Variants in TANC2 observed in about 807,000 individuals in gnomAD.
TANC2 encodes protein TANC2.
TANC2 carries 26 observed loss-of-function variants against 210.5 expected under a neutral mutation model. The ratio of observed to expected loss-of-function variants is 0.12; its 90% CI spans 0.09 to 0.17. TANC2 has a LOEUF of 0.17. Ranked by LOEUF, TANC2 falls within the 10% of genes least tolerant of loss-of-function variation. The pLI is 1.00. For missense variants in TANC2, 2,129 were observed against 2,608.9 expected, an observed-to-expected ratio of 0.82 and a Z score of 4.01; for synonymous variants, 931 against 967.1, an observed-to-expected ratio of 0.96 and a Z score of 0.69.
At chr17:63,193,125 A>G (rs1281140447) in intron 5 of TANC2, among the ~76,000 whole-genome samples, 2 of 152,180 alleles carry the variant, frequency 1.3e-5, no homozygotes, top group Non-Finnish European at 1.5e-5. Context: ...GAAGCTTTCA[A>G]TTGTTCTTGA....
chr17:63,149,197 G>A (rs1026786142), intron 4 of TANC2: 3 of 151,930 alleles, frequency 2.0e-5, no homozygotes, highest in Non-Finnish European at 4.4e-5. Flanking sequence ...TTTAGTAAGA[G>A]GTTTTATTTT....
intron 3 of TANC2, among the ~76,000 whole-genome samples, chr17:63,077,130 G>A (rs1051473262): frequency 1.3e-5 from 2 of 152,074 alleles, no homozygotes; most frequent in East Asian, 1.9e-4. Flanking sequence ...CAAACAGATC[G>A]TTCATGCTTC....
intron 6 of TANC2, among the ~76,000 whole-genome samples, chr17:63,196,514 A>G (rs200487244): frequency 6.6e-6 from 1 of 152,222 alleles, no homozygotes. Context: ...CGCATGTCAC[A>G]GTGATTTCTG....
chr17:62,998,572 A>G (rs2033226637), intron 1 of TANC2, among the ~76,000 whole-genome samples: 1 of 152,244 alleles, frequency 6.6e-6, no homozygotes, highest in African/African-American at 2.4e-5. Context: ...AAATTCTACA[A>G]GCAAGAACAG....
exon 11 of TANC2, chr17:63,318,967 C>T: frequency 1.2e-6 from 2 of 1,612,856 alleles, no homozygotes; most frequent in Non-Finnish European, 1.7e-6. Flanking sequence ...ATGTGGATGC[C>T]AACAGAGAGC....
At chr17:63,016,368 A>G (rs1327266630) in intron 2 of TANC2, among the ~76,000 whole-genome samples, 1 of 152,242 alleles carries the variant, frequency 6.6e-6, no homozygotes, top group Non-Finnish European at 1.5e-5. Context: ...TGAGATCAGC[A>G]CTTCGAGACC....
intron 4 of TANC2, among the ~76,000 whole-genome samples, chr17:63,137,613 A>G (rs548555357): frequency 1.3e-5 from 2 of 152,342 alleles, no homozygotes; most frequent in Non-Finnish European, 2.9e-5. Context: ...TGTTTTATCC[A>G]TGAGCGCTTT....
intron 9 of TANC2, among the ~76,000 whole-genome samples, chr17:63,271,868 C>T (rs1567871016): frequency 1.3e-5 from 2 of 151,936 alleles, no homozygotes; most frequent in Non-Finnish European, 2.9e-5. Flanking sequence ...TCAGAGACAT[C>T]GTTTGCAAAA....
In TANC2 at chr17:63,198,190, CTTCTTTTTTTT is replaced by C. The variant is rs929371285; in HGVS notation, c.583-2568_583-2558del. ...AGATTCCTATCATAATAAAACTTTTCTTCTTTTTTTTTTCTTTTTTTTTGAGACAGAGTCTC... is the reference window on the plus strand; with the variant it reads ...AGATTCCTATCATAATAAAACTTTTCTTCTTTTTTTTTGAGACAGAGTCTC... On this transcript the variant is annotated intron_variant, in intron 6 of 27. Transcript: ENST00000689528. Among the ~76,000 whole-genome samples the C allele has an allele frequency of 1.2e-3, 187 of 151,658 alleles. 1 individual carries two copies. The highest frequency in any genetic ancestry group is 4.0e-3 in the African/African-American group (164 of 41,412).
chr17:63,297,268 T>A (rs1280841870), intron 9 of TANC2, among the ~76,000 whole-genome samples: 1 of 152,090 alleles, frequency 6.6e-6, no homozygotes, highest in Non-Finnish European at 1.5e-5. Flanking sequence ...AAAATGATAT[T>A]GAAAAAGAAC....
At chr17:63,292,706 T>C (rs1037610985) in intron 9 of TANC2, among the ~76,000 whole-genome samples, 2 of 152,202 alleles carry the variant, frequency 1.3e-5, no homozygotes, top group Non-Finnish European at 2.9e-5. Flanking sequence ...GATGGGGTGA[T>C]TATGATTACA....
At chr17:63,379,639 A>G in intron 14 of TANC2, 79 bp from the exon 15 acceptor site, 2 of 1,153,764 alleles carry the variant, frequency 1.7e-6, no homozygotes, top group Non-Finnish European at 2.4e-6. Flanking sequence ...ACCGCACTCT[A>G]GTCTGGGCAA....
chr17:63,210,512 T>G (rs1049671747), intron 7 of TANC2, among the ~76,000 whole-genome samples: 2 of 152,208 alleles, frequency 1.3e-5, no homozygotes, highest in Non-Finnish European at 2.9e-5. Context: ...TATGTAAGCT[T>G]CTTAATGTCA....
At chr17:63,249,573 C>G (rs1420899695) in intron 8 of TANC2, among the ~76,000 whole-genome samples, 1 of 152,166 alleles carries the variant, frequency 6.6e-6, no homozygotes, top group Non-Finnish European at 1.5e-5. Context: ...AAAATATAAA[C>G]TCTGGCCATC....
chr17:63,064,865 CT>C (rs571504948), intron 2 of TANC2, among the ~76,000 whole-genome samples: 246 of 144,958 alleles, frequency 1.7e-3, no homozygotes, highest in Middle Eastern at 0.011. Context: ...ATGTCTCAAA[CT>C]TTTTTTTTTT....
intron 3 of TANC2, among the ~76,000 whole-genome samples, chr17:63,080,581 G>T (rs1044898382): frequency 6.6e-6 from 1 of 152,154 alleles, no homozygotes; most frequent in African/African-American, 2.4e-5. Context: ...TGTGTCAATA[G>T]AACTAGTATA....
At chr17:63,078,269 GCATTCT>G (rs1478090384) in intron 3 of TANC2, among the ~76,000 whole-genome samples, 1 of 152,106 alleles carries the variant, frequency 6.6e-6, no homozygotes, top group Non-Finnish European at 1.5e-5. Context: ...AGTGATGTAA[GCATTCT>G]CATTTCTGAT....
At chr17:63,145,621 T>C (rs2039438030) in intron 4 of TANC2, among the ~76,000 whole-genome samples, 2 of 152,262 alleles carry the variant, frequency 1.3e-5, no homozygotes, top group East Asian at 1.9e-4. Context: ...CCTCACTCTT[T>C]TGCATATTCA....
chr17:63,412,551 G>A lies in TANC2; in HGVS notation c.3899-129G>A. ...CCCAAGCCCACAGACCTATAGACGA[G>A]GGTTGGCTGATATGCTGGCTTTGTG... On this transcript the variant is annotated intron_variant, in intron 23 of 27. Transcript: ENST00000689528. This position sits in a 1 kb window ranked among gnomAD's most constrained non-coding sequence, Gnocchi z 4.2. 1.2e-6 allele frequency: 1 copy of A among 862,648 alleles called. No homozygotes were observed. The highest frequency in any genetic ancestry group is 1.8e-6 in the Non-Finnish European group (1 of 548,240). The allele number at this position is 862,648 out of a possible 1,614,324, so 53.4% of individuals were successfully genotyped here.
Sources: gnomAD v4.1 joint callset for allele counts (sites outside exome capture counted in the v4.1 genomes callset) on GRCh38, gnomAD v4.1.1 for gene constraint, Gnocchi (gnomAD v3.1) non-coding constraint, MANE v1.5 for transcripts, NCBI Gene and HGNC (gene_info 2026-07-23, HGNC 2026-07-21) for gene names.